Variants in DYNC1I1 observed in about 807,000 individuals in gnomAD.
The protein encoded by DYNC1I1 is dynein cytoplasmic 1 intermediate chain 1.
DYNC1I1 carries 43 observed loss-of-function variants against 86.6 expected under a neutral mutation model. The observed-to-expected ratio is 0.50, with a 90% confidence interval of 0.39 to 0.64. DYNC1I1 has a LOEUF of 0.64. Ranked by LOEUF, DYNC1I1 falls within the 30% of genes least tolerant of loss-of-function variation. The probability of loss-of-function intolerance (pLI) is 0.00; values close to 1 mark genes in which losing one functional copy is unlikely to be tolerated. For synonymous variants in DYNC1I1, 262 were observed against 283.7 expected (o/e 0.92, Z 0.77); for missense variants, 604 against 788.8 (o/e 0.77, Z 2.81).
At chr7:95,924,570 G>T (rs1791692993) in intron 6 of DYNC1I1, among the ~76,000 whole-genome samples, 1 of 152,160 alleles carries the variant, frequency 6.6e-6, no homozygotes, top group Non-Finnish European at 1.5e-5. Flanking sequence ...CAGTGAGCTA[G>T]ATGGGATATG....
At chr7:95,882,221 C>G (rs1234107113) in intron 6 of DYNC1I1, among the ~76,000 whole-genome samples, 2 of 152,018 alleles carry the variant, frequency 1.3e-5, no homozygotes, top group Non-Finnish European at 2.9e-5. Context: ...GGAAAAAATG[C>G]TTTTCTTTGA....
intron 6 of DYNC1I1, among the ~76,000 whole-genome samples, chr7:95,886,397 G>A (rs1158286144): frequency 1.3e-5 from 2 of 151,914 alleles, no homozygotes; most frequent in African/African-American, 4.8e-5. Context: ...TGGCACTACT[G>A]CACTCCAGCC....
chr7:96,060,919 A>G (rs928023790), intron 14 of DYNC1I1, among the ~76,000 whole-genome samples: 4 of 152,220 alleles, frequency 2.6e-5, no homozygotes, highest in Admixed American at 1.3e-4. Context: ...GGCAGCCCCA[A>G]AATGGAACAC....
intron 11 of DYNC1I1, among the ~76,000 whole-genome samples, chr7:96,030,068 A>G (rs1190642080): frequency 6.6e-6 from 1 of 151,914 alleles, no homozygotes; most frequent in Non-Finnish European, 1.5e-5. Context: ...TGAACAGTTA[A>G]TTTTGTGACT....
chr7:95,928,522 G>A (rs573968836), intron 6 of DYNC1I1, among the ~76,000 whole-genome samples: 96 of 152,196 alleles, frequency 6.3e-4, no homozygotes, highest in African/African-American at 2.2e-3. Context: ...CTCTGCACGG[G>A]CTCCCACTGC....
At chr7:96,016,783 G>T (rs1477452659) in intron 10 of DYNC1I1, among the ~76,000 whole-genome samples, 2 of 151,992 alleles carry the variant, frequency 1.3e-5, no homozygotes, top group Admixed American at 6.6e-5. Context: ...CCATATTTTT[G>T]AATGCTATAT....
At chr7:95,827,992 T>C in intron 4 of DYNC1I1, 65 bp from the exon 5 acceptor site, 2 of 1,572,498 alleles carry the variant, frequency 1.3e-6, no homozygotes, top group Non-Finnish European at 1.8e-6. Context: ...ATAGTTTGGT[T>C]TGGTTTGTTG....
intron 9 of DYNC1I1, among the ~76,000 whole-genome samples, chr7:95,991,887 G>T (rs1277618768): frequency 6.6e-6 from 1 of 152,054 alleles, no homozygotes; most frequent in Non-Finnish European, 1.5e-5. Context: ...TTGAGATGGA[G>T]TCTCACTCTG....
chr7:95,810,502 T>C lies in DYNC1I1; in HGVS notation c.219T>C (p.Pro73=). 6.2e-7 allele frequency: 1 copy of C among 1,610,922 alleles called. No individual in the cohort carries two copies. The highest frequency in any genetic ancestry group is 8.5e-7 in the Non-Finnish European group (1 of 1,178,512). The change falls in exon 3 of 17, where the codon CCT becomes CCC. Residue 73 remains proline (P), a synonymous_variant. Coordinates refer to ENST00000447467, the MANE Select transcript of DYNC1I1 (RefSeq NM_001135556.2). The stretch of plus-strand genomic sequence containing the variant: ...GCATTGGTATCTCACCGGAGCCGCC[T>C]CTAGGTACTTAAAAGTGCTTCCTGT... The part of the protein sequence containing the change: ...LQSIGISPEP[P]LVPTPMSPSS...
chr7:95,953,366 T>G (rs1160683704), intron 6 of DYNC1I1, among the ~76,000 whole-genome samples: 1 of 151,936 alleles, frequency 6.6e-6, no homozygotes, highest in Admixed American at 6.6e-5. Flanking sequence ...GAACAGCATT[T>G]CTCTCCGCAT....
chr7:96,035,490 C>T, intron 12 of DYNC1I1, 129 bp from the exon 13 acceptor site: 1 of 1,257,672 alleles, frequency 8.0e-7, no homozygotes, highest in Non-Finnish European at 1.0e-6. Flanking sequence ...TGGTTTCTGG[C>T]ACAGCCGGGG....
intron 6 of DYNC1I1, among the ~76,000 whole-genome samples, chr7:95,876,004 A>T (rs186100404): frequency 2.8e-4 from 42 of 151,016 alleles, no homozygotes; most frequent in African/African-American, 9.4e-4. Context: ...ATGCCTCAGA[A>T]TATTTAAGGG....
intron 5 of DYNC1I1, among the ~76,000 whole-genome samples, chr7:95,842,968 T>G (rs1345355432): frequency 6.6e-6 from 1 of 152,238 alleles, no homozygotes; most frequent in Non-Finnish European, 1.5e-5. Flanking sequence ...AAATTAACTT[T>G]GACCAAGTTT....
intron 15 of DYNC1I1, among the ~76,000 whole-genome samples, chr7:96,077,708 T>C (rs952504753): frequency 1.3e-5 from 2 of 152,146 alleles, no homozygotes; most frequent in South Asian, 2.1e-4. Context: ...TCCAGCTTAG[T>C]TGAGATGTTT....
downstream of DYNC1I1, chr7:96,110,162 T>G (rs141092152): frequency 2.6e-6 from 1 of 387,588 alleles, no homozygotes; most frequent in Non-Finnish European, 5.1e-6. Context: ...ATCTTTTAGT[T>G]CTTTCAGTTC....
intron 6 of DYNC1I1, among the ~76,000 whole-genome samples, chr7:95,976,036 C>T (rs529572776): frequency 6.6e-6 from 1 of 152,312 alleles, no homozygotes; most frequent in South Asian, 2.1e-4. Context: ...CTATTTATAA[C>T]TTAACTTTTA....
At chr7:95,810,318 C>T in intron 2 of DYNC1I1, 74 bp from the exon 3 acceptor site, 1 of 1,257,244 alleles carries the variant, frequency 8.0e-7, no homozygotes. Flanking sequence ...ATGCATTTAT[C>T]ATTTTTAGTT....
chr7:96,098,447 T>C (rs776298728), downstream of DYNC1I1: 72 of 983,116 alleles, frequency 7.3e-5, no homozygotes, highest in Non-Finnish European at 8.5e-5. Flanking sequence ...TGTGAGTAAA[T>C]CCTTTGCTTG....
chr7:95,930,718 C>A (rs1791869976), intron 6 of DYNC1I1, among the ~76,000 whole-genome samples: 1 of 152,118 alleles, frequency 6.6e-6, no homozygotes, highest in South Asian at 2.1e-4. Context: ...TTTTCAATAT[C>A]AGAATTATTC....
Sources: gnomAD v4.1 joint callset for allele counts (sites outside exome capture counted in the v4.1 genomes callset) on GRCh38, gnomAD v4.1.1 for gene constraint, MANE v1.5 for transcripts, NCBI Gene and HGNC (gene_info 2026-07-23, HGNC 2026-07-21) for gene names.